Variants in DLGAP2 observed in about 807,000 individuals in gnomAD.
DLGAP2 encodes DLG associated protein 2, also known as disks large-associated protein 2.
In DLGAP2, 26 loss-of-function variants were observed where a neutral mutation model predicts 100.3. The observed-to-expected ratio is 0.26, with a 90% confidence interval of 0.19 to 0.36. The LOEUF (loss-of-function observed/expected upper bound fraction) is 0.36. Ranked by LOEUF, DLGAP2 falls within the 10% of genes least tolerant of loss-of-function variation. The pLI is 1.00. For synonymous variants in DLGAP2, 886 were observed against 630.1 expected, an observed-to-expected ratio of 1.41 and a Z score of -6.08; for missense variants, 1,858 against 1,453.2, an observed-to-expected ratio of 1.28 and a Z score of -4.53.
chr8:1,337,429 AT>A (rs1801310727), intron 3 of DLGAP2, among the ~76,000 whole-genome samples: 3 of 618 alleles, frequency 4.9e-3, no homozygotes, highest in Admixed American at 0.019. Context: ...GATGATGGTG[AT>A]GGTGATGATG....
intron 4 of DLGAP2, among the ~76,000 whole-genome samples, chr8:1,532,975 C>A (rs1801033093): frequency 6.6e-6 from 1 of 152,094 alleles, no homozygotes; most frequent in African/African-American, 2.4e-5. Context: ...CTCTGAGATG[C>A]ATTCACCTGC....
At chr8:1,568,135 A>C (rs1272076859) in intron 6 of DLGAP2, among the ~76,000 whole-genome samples, 1 of 150,994 alleles carries the variant, frequency 6.6e-6, no homozygotes, top group African/African-American at 2.4e-5. Flanking sequence ...AGCAGACACA[A>C]ATCCACTCTG....
chr8:974,616 T>C (rs1489973401), intron 2 of DLGAP2, among the ~76,000 whole-genome samples: 1 of 152,190 alleles, frequency 6.6e-6, no homozygotes, highest in Admixed American at 6.5e-5. Context: ...TTCCAAAATA[T>C]ATAGATACTA....
intron 1 of DLGAP2, among the ~76,000 whole-genome samples, chr8:782,000 G>A (rs576045706): frequency 1.3e-5 from 2 of 152,192 alleles, no homozygotes; most frequent in African/African-American, 4.8e-5. Context: ...AAAACCTGGT[G>A]TTCAATCAAC....
intron 2 of DLGAP2, among the ~76,000 whole-genome samples, chr8:1,184,885 C>A (rs1797466265): frequency 2.6e-5 from 4 of 152,206 alleles, no homozygotes. Flanking sequence ...TTGGAGGGAG[C>A]TCACTGTGTT....
At chr8:805,199 A>T (rs1241087504) in intron 1 of DLGAP2, among the ~76,000 whole-genome samples, 2 of 152,288 alleles carry the variant, frequency 1.3e-5, no homozygotes, top group East Asian at 3.9e-4. Flanking sequence ...CAGAATAATG[A>T]AGGGTTTTCA....
At chr8:974,969 G>T (rs1333546962) in intron 2 of DLGAP2, among the ~76,000 whole-genome samples, 1 of 152,116 alleles carries the variant, frequency 6.6e-6, no homozygotes, top group Non-Finnish European at 1.5e-5. Flanking sequence ...TCTTTGAAAA[G>T]ATCAAAACAC....
At chr8:1,116,153 C>T (rs1375794639) in intron 2 of DLGAP2, among the ~76,000 whole-genome samples, 1 of 152,216 alleles carries the variant, frequency 6.6e-6, no homozygotes, top group Non-Finnish European at 1.5e-5. Flanking sequence ...ATCCCATCCC[C>T]ATGGGGTGCG....
intron 3 of DLGAP2, among the ~76,000 whole-genome samples, chr8:1,413,488 A>G (rs570078252): frequency 5.0e-4 from 76 of 152,320 alleles, no homozygotes; most frequent in Non-Finnish European, 6.5e-4. Context: ...TAGATTCTCA[A>G]AAAGTTGTAG....
chr8:1,492,922 A>T (rs1308850910), intron 3 of DLGAP2, among the ~76,000 whole-genome samples: 2 of 152,030 alleles, frequency 1.3e-5, no homozygotes, highest in Non-Finnish European at 2.9e-5. Flanking sequence ...GTACATGTCA[A>T]CCCGCCCTCC....
rs1449694645 is a variant in DLGAP2 at position 1,615,109 on chromosome 8, G to A, written c.1443-11631G>A. ...GCCAGAAGAGGTGGGGGTCAGAACAGAAGGGATGGAGCCATGGAGGGAGAC... is the reference window on the plus strand; with the variant it reads ...GCCAGAAGAGGTGGGGGTCAGAACAAAAGGGATGGAGCCATGGAGGGAGAC... On this transcript the variant is annotated intron_variant, in intron 6 of 14. Coordinates refer to ENST00000637795, the MANE Select transcript of DLGAP2 (RefSeq NM_001346810.2). Among the ~76,000 whole-genome samples, 6 of 152,244 alleles carry A rather than the reference G, an allele frequency of 3.9e-5. No individual in the cohort carries two copies. The East Asian group carries it at 1.2e-3, about 29-fold the overall frequency.
At chr8:1,151,593 C>G (rs1376871426) in intron 2 of DLGAP2, among the ~76,000 whole-genome samples, 1 of 152,118 alleles carries the variant, frequency 6.6e-6, no homozygotes, top group Non-Finnish European at 1.5e-5. Context: ...GTGAGGGGCA[C>G]CTTCGCAAGG....
intron 2 of DLGAP2, among the ~76,000 whole-genome samples, chr8:1,063,388 G>A (rs757793039): frequency 6.6e-6 from 1 of 152,188 alleles, no homozygotes; most frequent in Non-Finnish European, 1.5e-5. Flanking sequence ...TCTCGGGGTT[G>A]TACCGTCCAC....
chr8:1,373,387 C>T (rs923240975), intron 3 of DLGAP2, among the ~76,000 whole-genome samples: 1 of 152,100 alleles, frequency 6.6e-6, no homozygotes, highest in East Asian at 1.9e-4. Context: ...AGACGCAGAG[C>T]CCTGTGCCGC....
intron 2 of DLGAP2, among the ~76,000 whole-genome samples, chr8:1,184,874 G>A (rs1196244507): frequency 6.6e-6 from 1 of 152,192 alleles, no homozygotes; most frequent in African/African-American, 2.4e-5. Context: ...GGATCTCCAG[G>A]TTGGAGGGAG....
chr8:1,486,772 C>T lies in DLGAP2; in HGVS notation c.107-14594C>T, dbSNP rs182339269. On this transcript the variant is annotated intron_variant, in intron 3 of 14. Transcript: ENST00000637795. ...GAAGGCAAATATACTGCCAGTGGAG[C>T]TGGCAACATGAGAATCATGCATTTG... 1.5e-4 allele frequency among the ~76,000 whole-genome samples: 23 copies of T among 152,354 alleles called. No individual in the cohort carries two copies. In the East Asian group the frequency reaches 3.9e-3, roughly 26 times the overall value.
At chr8:1,483,088 G>A (rs1383943370) in intron 3 of DLGAP2, among the ~76,000 whole-genome samples, 1 of 152,158 alleles carries the variant, frequency 6.6e-6, no homozygotes, top group Non-Finnish European at 1.5e-5. Flanking sequence ...GGAGCCCCGC[G>A]GCAGCCTGGG....
intron 2 of DLGAP2, among the ~76,000 whole-genome samples, chr8:920,717 A>T (rs888675708): frequency 6.6e-6 from 1 of 152,134 alleles, no homozygotes; most frequent in East Asian, 1.9e-4. Flanking sequence ...TGCTTGGGCA[A>T]TCTGCCCAGC....
chr8:1,342,189 G>A (rs1801433590), intron 3 of DLGAP2, among the ~76,000 whole-genome samples: 1 of 151,842 alleles, frequency 6.6e-6, no homozygotes, highest in East Asian at 1.9e-4. Context: ...TCAAGCAATC[G>A]GCCCACCTCA....
Sources: allele counts gnomAD v4.1 joint callset (sites outside exome capture counted in the v4.1 genomes callset), GRCh38; gene constraint gnomAD v4.1.1; transcripts MANE v1.5; gene names NCBI Gene and HGNC (gene_info 2026-07-23, HGNC 2026-07-21).